The following RPS6KC1 variants were observed in gnomAD, a reference collection of about 807,000 sequenced individuals.
The protein encoded by RPS6KC1 is inactive ribosomal protein S6 kinase delta-1.
RPS6KC1 carries 54 observed loss-of-function variants against 103.8 expected under a neutral mutation model. That is an observed-to-expected ratio of 0.52 (90% CI 0.42 to 0.65). The LOEUF is 0.65. Ranked by LOEUF, RPS6KC1 falls within the 30% of genes least tolerant of loss-of-function variation. RPS6KC1 has a pLI of 0.00. For synonymous variants in RPS6KC1, 439 were observed against 438.7 expected (o/e 1.00, Z -0.01); for missense variants, 1,151 against 1,253.8 (o/e 0.92, Z 1.24).
At chr1:213,126,376 T>G (rs751423517) in intron 5 of RPS6KC1, among the ~76,000 whole-genome samples, 1 of 152,106 alleles carries the variant, frequency 6.6e-6, no homozygotes, top group Non-Finnish European at 1.5e-5. Context: ...GTCGGTTTAA[T>G]GAAATCTGTT....
chr1:213,066,232 C>G (rs1356790026), intron 1 of RPS6KC1, among the ~76,000 whole-genome samples: 1 of 152,040 alleles, frequency 6.6e-6, no homozygotes, highest in Non-Finnish European at 1.5e-5. Flanking sequence ...TCACAGAATA[C>G]CAGGGGGCAG....
the RPS6KC1 span, among the ~76,000 whole-genome samples, chr1:213,613,325 C>G: frequency 6.6e-6 from 1 of 152,206 alleles, no homozygotes; most frequent in Non-Finnish European, 1.5e-5. Flanking sequence ...GTCATTTCTG[C>G]TATTTACTAT....
chr1:213,473,268 C>A, the RPS6KC1 span, among the ~76,000 whole-genome samples: 1 of 152,262 alleles, frequency 6.6e-6, no homozygotes, highest in Admixed American at 6.5e-5. Flanking sequence ...GCTGACCTCA[C>A]TGTTCTCTCA....
At chr1:213,268,485 G>A (rs1177949043) in intron 14 of RPS6KC1, among the ~76,000 whole-genome samples, 1 of 150,962 alleles carries the variant, frequency 6.6e-6, no homozygotes, top group Non-Finnish European at 1.5e-5. Context: ...AGGAGGAAAT[G>A]AGGAACACTG....
At chr1:213,328,504 C>CTATATATA in the RPS6KC1 span, among the ~76,000 whole-genome samples, 7,188 of 99,548 alleles carry the variant, frequency 0.072, 451 homozygotes, top group Non-Finnish European at 0.1. Context: ...AGCCATTATA[C>CTATATATA]TATATATATA....
chr1:213,806,993 A>G, the RPS6KC1 span, among the ~76,000 whole-genome samples: 2 of 151,942 alleles, frequency 1.3e-5, no homozygotes, highest in East Asian at 3.9e-4. Flanking sequence ...AAAATCTCTC[A>G]GCATTTGCTT....
chr1:213,555,961 C>T, the RPS6KC1 span, among the ~76,000 whole-genome samples: 8 of 152,206 alleles, frequency 5.3e-5, no homozygotes, highest in Non-Finnish European at 1.2e-4. Flanking sequence ...TGTCTTCAGT[C>T]CCCTTACAAC....
At chr1:213,763,692 A>G in the RPS6KC1 span, among the ~76,000 whole-genome samples, 1 of 152,244 alleles carries the variant, frequency 6.6e-6, no homozygotes, top group African/African-American at 2.4e-5. Context: ...TAAAACTGGA[A>G]TAAACGAGTA....
intron 6 of RPS6KC1, among the ~76,000 whole-genome samples, chr1:213,144,697 T>TTCC (rs937883611): frequency 3.9e-5 from 6 of 152,022 alleles, no homozygotes; most frequent in African/African-American, 1.4e-4. Context: ...ATTACATACT[T>TTCC]TAATAACTGT....
chr1:213,346,036 C>G, the RPS6KC1 span, among the ~76,000 whole-genome samples: 1 of 152,094 alleles, frequency 6.6e-6, no homozygotes, highest in African/African-American at 2.4e-5. Context: ...TACATCCCAC[C>G]CTAATGGTAA....
chr1:213,263,120 C>T (rs1399972685), intron 14 of RPS6KC1, among the ~76,000 whole-genome samples: 5 of 152,076 alleles, frequency 3.3e-5, no homozygotes, highest in African/African-American at 1.2e-4. Flanking sequence ...TTGTCTGAGG[C>T]TGCTCTAATT....
chr1:213,115,003 T>C (rs1359881251), intron 4 of RPS6KC1, among the ~76,000 whole-genome samples: 1 of 151,810 alleles, frequency 6.6e-6, no homozygotes, highest in African/African-American at 2.4e-5. Flanking sequence ...AGGATATTGG[T>C]CTAAAATTCT....
the RPS6KC1 span, among the ~76,000 whole-genome samples, chr1:213,513,715 A>G: frequency 6.6e-6 from 1 of 152,222 alleles, no homozygotes; most frequent in Non-Finnish European, 1.5e-5. Flanking sequence ...GGATAAATAC[A>G]TTTATACCTG....
At chr1:213,817,266 G>A in the RPS6KC1 span, among the ~76,000 whole-genome samples, 9 of 152,146 alleles carry the variant, frequency 5.9e-5, no homozygotes, top group East Asian at 1.9e-4. Context: ...GTCTCCTTCC[G>A]TCCCTGGACC....
chr1:213,724,530 C>T, the RPS6KC1 span, among the ~76,000 whole-genome samples: 30 of 152,130 alleles, frequency 2.0e-4, 1 homozygote, highest in Admixed American at 9.8e-4. Flanking sequence ...AAACAAGGGC[C>T]ATGGTGGAGA....
chr1:213,644,117 A>G, the RPS6KC1 span, among the ~76,000 whole-genome samples: 1 of 152,076 alleles, frequency 6.6e-6, no homozygotes, highest in Non-Finnish European at 1.5e-5. Flanking sequence ...TTCCCTCACT[A>G]CAGGGCATAA....
the RPS6KC1 span, among the ~76,000 whole-genome samples, chr1:213,366,016 G>T: frequency 6.6e-6 from 1 of 152,226 alleles, no homozygotes; most frequent in Non-Finnish European, 1.5e-5. Context: ...TTAACTTGCA[G>T]TTTGCCCCTT....
At chr1:213,300,051 T>C in the RPS6KC1 span, among the ~76,000 whole-genome samples, 1 of 152,266 alleles carries the variant, frequency 6.6e-6, no homozygotes, top group South Asian at 2.1e-4. Flanking sequence ...ATGATCTGCC[T>C]GCCTCGGCCT....
the RPS6KC1 span, among the ~76,000 whole-genome samples, chr1:213,629,287 T>A: frequency 6.6e-6 from 1 of 152,008 alleles, no homozygotes; most frequent in Non-Finnish European, 1.5e-5. Context: ...TGCATATATA[T>A]TTAGGATAGT....
Sources: allele counts gnomAD v4.1 joint callset (sites outside exome capture counted in the v4.1 genomes callset), GRCh38; gene constraint gnomAD v4.1.1; transcripts MANE v1.5; gene names NCBI Gene and HGNC (gene_info 2026-07-23, HGNC 2026-07-21).